DTNB: variants seen among roughly 807,000 people sequenced by gnomAD.
The protein encoded by DTNB is dystrobrevin beta, also known as DTN-B.
In DTNB, 63 loss-of-function variants were observed where a neutral mutation model predicts 90.7. That is an observed-to-expected ratio of 0.69 (90% CI 0.57 to 0.86). The LOEUF (loss-of-function observed/expected upper bound fraction) is 0.86, where lower values mean the gene tolerates loss of function less well. DTNB is among the 40% of genes least tolerant of loss of function. The pLI, the probability that DTNB is intolerant of heterozygous loss-of-function variation, is 0.00. For missense variants in DTNB, 744 were observed against 807.1 expected (o/e 0.92, Z 0.95); for synonymous variants, 277 against 286.7 (o/e 0.97, Z 0.34).
intron 12 of DTNB, among the ~76,000 whole-genome samples, chr2:25,450,630 A>G (rs2059139669): frequency 6.6e-6 from 1 of 152,352 alleles, no homozygotes; most frequent in Admixed American, 6.5e-5. Flanking sequence ...AGATCAATTT[A>G]GGAAAATCTG....
rs143035949 is a variant in DTNB, at chr2:25,486,124, AAAAATAAAAT to A, written c.1002-3261_1002-3252del. On this transcript the variant is annotated intron_variant, in intron 9 of 20. Coordinates refer to ENST00000406818, the MANE Select transcript of DTNB (RefSeq NM_021907.5). The stretch of plus-strand genomic sequence containing the variant: ...GTGATAGAGCAAGACTCCATCTCAA[AAAAATAAAAT>A]AAAATAAAATAAAATAAAATAAAAA... 3.4e-5 allele frequency among the ~76,000 whole-genome samples: 5 copies of A among 145,704 alleles called. No individual in the cohort carries two copies. In the East Asian group the frequency reaches 6.1e-4, roughly 18 times the overall value.
intron 9 of DTNB, among the ~76,000 whole-genome samples, chr2:25,516,688 G>C (rs571532822): frequency 6.6e-6 from 1 of 151,842 alleles, no homozygotes; most frequent in African/African-American, 2.4e-5. Flanking sequence ...TCAGGAGTTC[G>C]AGACCAGCCT....
chr2:25,441,387 T>C (rs2057349790), intron 12 of DTNB, among the ~76,000 whole-genome samples: 1 of 152,226 alleles, frequency 6.6e-6, no homozygotes, highest in Non-Finnish European at 1.5e-5. Context: ...TTCAACAACA[T>C]AAAAAATATA....
At chr2:25,615,954 A>G (rs1189722846) in intron 4 of DTNB, among the ~76,000 whole-genome samples, 2 of 152,248 alleles carry the variant, frequency 1.3e-5, no homozygotes, top group Non-Finnish European at 2.9e-5. Context: ...TCCAGAGCTG[A>G]GAACCACCAA....
intron 3 of DTNB, among the ~76,000 whole-genome samples, chr2:25,636,272 A>T (rs1192065197): frequency 6.6e-6 from 1 of 152,224 alleles, no homozygotes; most frequent in African/African-American, 2.4e-5. Context: ...AAAGTAAAGG[A>T]ACAACTGAAC....
In DTNB at chr2:25,458,964, T is replaced by C. The variant is rs941220160; in HGVS notation, c.1080-3470A>G. 3.3e-5 allele frequency among the ~76,000 whole-genome samples: 5 copies of C among 152,006 alleles called. 1 individual carries two copies. The highest frequency in any genetic ancestry group is 5.9e-5 in the Non-Finnish European group (4 of 68,016). On this transcript the variant is annotated intron_variant, in intron 10 of 20. Transcript: ENST00000406818. ...CCAGCTCTAATTTTTAAATCTTTTG[T>C]AGAGACAGGGTCTCACTTTGTTGCC...
chr2:25,407,130 CAAAA>C (rs1174511179), intron 16 of DTNB, among the ~76,000 whole-genome samples: 2 of 151,996 alleles, frequency 1.3e-5, no homozygotes, highest in Admixed American at 6.6e-5. Context: ...TGACATTTCT[CAAAA>C]GAAGATATAC....
chr2:25,544,731 T>G (rs1437821637), intron 8 of DTNB, among the ~76,000 whole-genome samples: 1 of 152,252 alleles, frequency 6.6e-6, no homozygotes, highest in African/African-American at 2.4e-5. Context: ...ACCAATTTCA[T>G]GCCATAGTTT....
intron 6 of DTNB, among the ~76,000 whole-genome samples, chr2:25,586,351 A>G (rs2062401651): frequency 6.6e-6 from 1 of 151,436 alleles, no homozygotes; most frequent in African/African-American, 2.4e-5. Context: ...TCTCACTAAA[A>G]ATACAAAAAT....
chr2:25,587,645 C>G (rs1298917521), intron 6 of DTNB, among the ~76,000 whole-genome samples: 1 of 152,136 alleles, frequency 6.6e-6, no homozygotes, highest in Non-Finnish European at 1.5e-5. Flanking sequence ...AACAAAAATC[C>G]TTTTCTAAAA....
At chr2:25,466,924 G>A (rs1030087446) in intron 10 of DTNB, among the ~76,000 whole-genome samples, 8 of 152,202 alleles carry the variant, frequency 5.3e-5, no homozygotes, top group African/African-American at 1.9e-4. Flanking sequence ...CTCTGAAGAA[G>A]GTTAAAAGCG....
intron 10 of DTNB, among the ~76,000 whole-genome samples, chr2:25,456,348 T>C (rs920565345): frequency 4.6e-5 from 7 of 152,168 alleles, no homozygotes; most frequent in African/African-American, 2.4e-5. Context: ...TGTACATCTA[T>C]CAGATAGTAA....
At chr2:25,413,593 AC>A (rs775431155) in intron 16 of DTNB, among the ~76,000 whole-genome samples, 42 of 151,454 alleles carry the variant, frequency 2.8e-4, no homozygotes, top group Admixed American at 1.1e-3. Context: ...AAGGACACAA[AC>A]CCATCCTTTT....
intron 16 of DTNB, among the ~76,000 whole-genome samples, chr2:25,416,625 C>A (rs372116959): frequency 2.0e-5 from 3 of 152,252 alleles, no homozygotes; most frequent in African/African-American, 7.2e-5. Context: ...AAGGTCGCAC[C>A]ACTGTACTCC....
intron 8 of DTNB, among the ~76,000 whole-genome samples, chr2:25,543,610 G>C (rs2034717): frequency 0.24 from 35,906 of 152,096 alleles, 4,799 homozygotes; most frequent in Non-Finnish European, 0.3. Flanking sequence ...GGCTGAGACA[G>C]ATTCTTAAAA....
intron 2 of DTNB, among the ~76,000 whole-genome samples, chr2:25,643,044 G>A (rs1456811822): frequency 6.6e-5 from 10 of 152,016 alleles, no homozygotes; most frequent in South Asian, 2.1e-4. Context: ...GTGAGCCACC[G>A]CGCCCGGCCC....
intron 6 of DTNB, among the ~76,000 whole-genome samples, chr2:25,591,574 C>T (rs1247332983): frequency 2.6e-5 from 4 of 152,018 alleles, no homozygotes; most frequent in Admixed American, 6.5e-5. Flanking sequence ...AACTTTTAAG[C>T]GTCGAAAGTC....
At chr2:25,598,738 T>C (rs2065177719) in intron 5 of DTNB, 1 of 151,972 alleles carries the variant, frequency 6.6e-6, no homozygotes, top group Non-Finnish European at 1.5e-5. Context: ...GGATAGGGAC[T>C]GGGGGGCACT....
chr2:25,669,188 C>T (rs2085227735), intron 1 of DTNB, among the ~76,000 whole-genome samples: 1 of 152,118 alleles, frequency 6.6e-6, no homozygotes. Flanking sequence ...GCTCTGGAGA[C>T]AGTGGTGATG....
Sources: gnomAD v4.1 joint callset for allele counts (sites outside exome capture counted in the v4.1 genomes callset) on GRCh38, gnomAD v4.1.1 for gene constraint, MANE v1.5 for transcripts, NCBI Gene and HGNC (gene_info 2026-07-23, HGNC 2026-07-21) for gene names.